The following SMC1B variants were observed in gnomAD, a reference collection of about 807,000 sequenced individuals.
SMC1B encodes structural maintenance of chromosomes 1B.
SMC1B carries 60 observed loss-of-function variants against 157.9 expected under a neutral mutation model. The ratio of observed to expected loss-of-function variants is 0.38; its 90% CI spans 0.31 to 0.47. The LOEUF (loss-of-function observed/expected upper bound fraction) is 0.47, where lower values mean the gene tolerates loss of function less well. Ranked by LOEUF, SMC1B falls within the 20% of genes least tolerant of loss-of-function variation. SMC1B has a pLI of 0.99. For missense variants in SMC1B, 1,165 were observed against 1,426.2 expected, an observed-to-expected ratio of 0.82 and a Z score of 2.95; for synonymous variants, 445 against 483.0, an observed-to-expected ratio of 0.92 and a Z score of 1.03.
At chr22:45,397,269 C>T (rs1431278779) in intron 6 of SMC1B, among the ~76,000 whole-genome samples, 1 of 152,166 alleles carries the variant, frequency 6.6e-6, no homozygotes, top group Non-Finnish European at 1.5e-5. Flanking sequence ...GTAATCCCAG[C>T]ACTTTGGGAA....
At position 45,386,832 on chromosome 22, in the gene SMC1B, T is replaced by C. The variant is rs1305336131; in HGVS notation, c.1911+35A>G. 4 of 1,582,584 alleles carry C rather than the reference T, an allele frequency of 2.5e-6. No homozygotes were observed. The African/African-American group carries it at 4.1e-5, about 16-fold the overall frequency. ...CTAGTCTTATAAATACTACTTCAAC[T>C]TATCCAAAGGTGTGATCCAAGCCTC... On this transcript the variant is annotated intron_variant, in intron 11 of 24. Coordinates refer to ENST00000357450, the MANE Select transcript of SMC1B (RefSeq NM_148674.5).
At chr22:45,369,359 G>C (rs753747731) in intron 15 of SMC1B, among the ~76,000 whole-genome samples, 1 of 151,876 alleles carries the variant, frequency 6.6e-6, no homozygotes, top group Non-Finnish European at 1.5e-5. Context: ...GCCTCCCAAA[G>C]TGCTGGGATT....
At chr22:45,379,344 A>C (rs187748115) in intron 12 of SMC1B, among the ~76,000 whole-genome samples, 1 of 152,352 alleles carries the variant, frequency 6.6e-6, no homozygotes, top group East Asian at 1.9e-4. Flanking sequence ...TTTTAAATCT[A>C]TGAGTCTTGA....
At position 45,370,112 on chromosome 22, in the gene SMC1B, A is replaced by G. The variant is rs1462378321; in HGVS notation, c.2314-52T>C. On this transcript the variant is annotated intron_variant, in intron 14 of 24. Coordinates refer to ENST00000357450, the MANE Select transcript of SMC1B (RefSeq NM_148674.5). The stretch of plus-strand genomic sequence containing the variant: ...TTTAATAAGCAATTTTAAGAAATAT[A>G]TAATCTTAAATATGTTTTTCCCTCC... 6 of 1,007,554 alleles carry G rather than the reference A, an allele frequency of 6.0e-6. No individual in the cohort carries two copies. In the Admixed American group the frequency reaches 1.6e-4, roughly 26 times the overall value. 62.4% of individuals were successfully genotyped at this position (1,007,554 alleles called of 1,614,324 possible). A position where few individuals can be genotyped will look rare whatever the true frequency, so the allele number is the denominator to read the frequency against.
intron 15 of SMC1B, among the ~76,000 whole-genome samples, chr22:45,364,277 C>G (rs569005682): frequency 3.3e-5 from 5 of 152,240 alleles, no homozygotes; most frequent in Admixed American, 2.0e-4. Context: ...CCCTGCCCCC[C>G]CACCACACCC....
intron 12 of SMC1B, among the ~76,000 whole-genome samples, chr22:45,382,541 G>T (rs2086947298): frequency 6.6e-6 from 1 of 152,200 alleles, no homozygotes; most frequent in Non-Finnish European, 1.5e-5. Context: ...TGAGTGCAGT[G>T]ATGGTTACGT....
chr22:45,383,525 TC>T lies in SMC1B; in HGVS notation c.1999del (p.Asp667MetfsTer5). ...TCTTAGATTCTTTAACTCTTTCTCA[TC>T]CCAGCATCTAGCCTTGTATTTTAAG... is the stretch of plus-strand genomic sequence containing the variant. The part of the protein sequence containing the change: ...SDLKYKARCW[D>X]EKELKNLRDR... On this transcript the variant is annotated frameshift_variant, in exon 12 of 25. Transcript: ENST00000357450. LOFTEE classifies it high-confidence loss of function. The T allele has an allele frequency of 6.2e-7, 1 of 1,610,688 alleles. No homozygotes were observed. The highest frequency in any genetic ancestry group is 8.5e-7 in the Non-Finnish European group (1 of 1,178,998).
chr22:45,393,097 G>C (rs2087081001), intron 9 of SMC1B, among the ~76,000 whole-genome samples: 1 of 152,026 alleles, frequency 6.6e-6, no homozygotes, highest in African/African-American at 2.4e-5. Context: ...CTGATGTTAG[G>C]GACAAGAGGA....
intron 1 of SMC1B, among the ~76,000 whole-genome samples, chr22:45,412,498 C>A (rs1017369613): frequency 1.5e-5 from 1 of 65,440 alleles, no homozygotes; most frequent in Non-Finnish European, 2.7e-5. Context: ...CGCGCCCAGC[C>A]TTTTTTTTTT....
intron 15 of SMC1B, among the ~76,000 whole-genome samples, chr22:45,366,160 A>T (rs527375869): frequency 6.6e-6 from 1 of 152,260 alleles, no homozygotes; most frequent in African/African-American, 2.4e-5. Context: ...AGTAGCTGGG[A>T]CTACAGGCAT....
In SMC1B at chr22:45,393,705, G is replaced by T. The variant is rs751607233; in HGVS notation, c.1474C>A (p.His492Asn). 6.2e-7 allele frequency: 1 copy of T among 1,613,964 alleles called. No homozygotes were observed. The highest frequency in any genetic ancestry group is 8.5e-7 in the Non-Finnish European group (1 of 1,179,936). The change falls in exon 9 of 25, where the codon CAT becomes AAT. Residue 492 changes from histidine (H) to asparagine (N), a missense_variant. Transcript: ENST00000357450. ...SELQNAGIDT[H>N]EGKRQQKRAE... is the part of the protein sequence containing the mutation. ...CTCTTTTGCTGACGTTTTCCCTCAT[G>T]GGTATCAATCCCAGCATTCTGCAAT...
chr22:45,390,816 T>C (rs996968671), intron 9 of SMC1B, among the ~76,000 whole-genome samples: 2 of 151,860 alleles, frequency 1.3e-5, no homozygotes, highest in African/African-American at 4.8e-5. Context: ...TACTAGAAAA[T>C]GTTTGAATGT....
chr22:45,381,285 T>A (rs1279398825), intron 12 of SMC1B, among the ~76,000 whole-genome samples: 1 of 152,110 alleles, frequency 6.6e-6, no homozygotes, highest in African/African-American at 2.4e-5. Context: ...AGTATTAAAG[T>A]ACCCTAAATC....
intron 11 of SMC1B, among the ~76,000 whole-genome samples, chr22:45,384,178 C>T (rs1430363699): frequency 2.0e-5 from 3 of 152,114 alleles, no homozygotes; most frequent in Non-Finnish European, 4.4e-5. Flanking sequence ...TATTATATTT[C>T]CTCTTATGAA....
At chr22:45,348,480 C>A (rs765545618) in intron 23 of SMC1B, among the ~76,000 whole-genome samples, 1 of 152,116 alleles carries the variant, frequency 6.6e-6, no homozygotes, top group African/African-American at 2.4e-5. Context: ...AACTTTAATT[C>A]TTTTGGAATT....
chr22:45,384,177 T>C (rs1253810728), intron 11 of SMC1B, among the ~76,000 whole-genome samples: 1 of 152,178 alleles, frequency 6.6e-6, no homozygotes, highest in Non-Finnish European at 1.5e-5. Flanking sequence ...TTATTATATT[T>C]CCTCTTATGA....
Position 45,369,973 on chromosome 22 carries a change from G to A in SMC1B, c.2401C>T (p.Gln801Ter). 6.3e-7 allele frequency: 1 copy of A among 1,582,886 alleles called. No homozygotes were observed. The highest frequency in any genetic ancestry group is 8.6e-7 in the Non-Finnish European group (1 of 1,159,866). ...AAATACCTTTTTTGATCAATTTCTT[G>A]TTGCCGTTTAACATGTTTGTTCTCA... is the stretch of plus-strand genomic sequence containing the variant. ...EFENKHVKRQ[Q>*]EIDQKRLEFE... The change falls in exon 15 of 25, where the codon CAA becomes TAA. Residue 801 changes from glutamine (Q) to a stop codon, truncating the protein, a stop_gained. Transcript: ENST00000357450. LOFTEE classifies it high-confidence loss of function.
rs761137061 is a variant in SMC1B at position 45,352,527 on chromosome 22, G to A, written c.3349C>T (p.Arg1117Trp). The change falls in exon 22 of 25, where the codon CGG (arginine) becomes TGG (tryptophan). Residue 1117 changes from arginine to tryptophan, a missense_variant. Physicochemically the swap from Arg to Trp is moderately radical, Grantham distance 101. Coordinates refer to ENST00000357450, the MANE Select transcript of SMC1B (RefSeq NM_148674.5). ...GACAAATTGTCCATTGGCATAAACC[G>A]TTTGCCTGGGGCCACACAGTTATAG... is the stretch of plus-strand genomic sequence containing the variant. ...ISYNCVAPGK[R>W]FMPMDNLSGG... 54 of 1,613,986 alleles carry A rather than the reference G, an allele frequency of 3.3e-5. No individual in the cohort carries two copies. Among genetic ancestry groups the A allele is most frequent in the Non-Finnish European group, 4.5e-5 (53 of 1,179,934 alleles).
In SMC1B at chr22:45,413,436, G is replaced by A; in HGVS notation, c.109+23C>T. ...CCTGGGACGGCGGAGGCGCTCCGGT[G>A]GCGCCCTGAGCTGCTCAGTTACCAG... On this transcript the variant is annotated intron_variant, in intron 1 of 24. Coordinates refer to ENST00000357450, the MANE Select transcript of SMC1B (RefSeq NM_148674.5). 1.9e-6 allele frequency: 3 copies of A among 1,556,608 alleles called. No individual in the cohort carries two copies. In the African/African-American group the frequency reaches 4.1e-5, roughly 21 times the overall value.
Sources: allele counts gnomAD v4.1 joint callset (sites outside exome capture counted in the v4.1 genomes callset), GRCh38; gene constraint gnomAD v4.1.1; transcripts MANE v1.5; gene names NCBI Gene and HGNC (gene_info 2026-07-23, HGNC 2026-07-21).